The following PEX1 variants were observed in gnomAD, a reference collection of about 807,000 sequenced individuals.
PEX1 encodes the protein peroxisomal ATPase PEX1.
PEX1 carries 97 observed loss-of-function variants against 152.5 expected under a neutral mutation model. The observed-to-expected ratio is 0.64, with a 90% CI of 0.54 to 0.75. PEX1 has a LOEUF of 0.75. Ranked by LOEUF, PEX1 falls within the 30% of genes least tolerant of loss-of-function variation. PEX1 has a pLI of 0.00. For synonymous variants in PEX1, 485 were observed against 531.6 expected (o/e 0.91, Z 1.21); for missense variants, 1,357 against 1,516.3 (o/e 0.89, Z 1.74).
intron 17 of PEX1, among the ~76,000 whole-genome samples, chr7:92,496,198 A>T (rs1791647454): frequency 6.6e-6 from 1 of 152,054 alleles, no homozygotes; most frequent in Non-Finnish European, 1.5e-5. Context: ...TAAAACAGTA[A>T]CTTTTATTTT....
intron 1 of PEX1, among the ~76,000 whole-genome samples, chr7:92,526,583 A>G (rs1793277164): frequency 6.6e-6 from 1 of 152,224 alleles, no homozygotes; most frequent in Non-Finnish European, 1.5e-5. Flanking sequence ...GTCTGATTAA[A>G]ATATAGTTTA....
chr7:92,523,786 G>A (rs1361802364), intron 1 of PEX1, among the ~76,000 whole-genome samples: 1 of 152,160 alleles, frequency 6.6e-6, no homozygotes, highest in South Asian at 2.1e-4. Flanking sequence ...AGCCATGATA[G>A]TGCCATTACA....
Position 92,518,040 on chromosome 7 carries a change from C to T in PEX1, c.475G>A (p.Ala159Thr), listed in dbSNP as rs372455445. Reference sequence around the variant, plus strand: ...CCATAAGAGGCAGCTGGTATTAGTGCAACTGTGTAGAAAATAAAGCTCATT... The same window carrying T: ...CCATAAGAGGCAGCTGGTATTAGTGTAACTGTGTAGAAAATAAAGCTCATT... ...QQTYIFIQIV[A>T]LIPAASYGRL... The change falls in exon 5 of 24, where the codon GCA (alanine) becomes ACA (threonine). Residue 159 changes from alanine to threonine, a missense_variant and splice_region_variant. Ala to Thr is a moderately conservative substitution (Grantham distance 58). Transcript: ENST00000248633. 6.2e-6 allele frequency: 10 copies of T among 1,613,950 alleles called. No individual in the cohort carries two copies. The highest frequency in any genetic ancestry group is 1.3e-5 in the African/African-American group (1 of 74,888).
At chr7:92,493,695 A>G (rs1041931110) in intron 19 of PEX1, 22 of 154,040 alleles carry the variant, frequency 1.4e-4, no homozygotes, top group African/African-American at 5.3e-4. Flanking sequence ...TCTTATTCAC[A>G]CAGTGCTTAT....
intron 10 of PEX1, 50 bp from the exon 11 acceptor site, chr7:92,506,394 A>C: frequency 1.7e-6 from 2 of 1,151,270 alleles, no homozygotes; most frequent in Non-Finnish European, 2.6e-6. Context: ...AGTCACAGAA[A>C]TAGTTCCTGT....
intron 12 of PEX1, 92 bp downstream of exon 12, chr7:92,504,640 A>G: frequency 1.6e-6 from 2 of 1,251,834 alleles, no homozygotes; most frequent in Non-Finnish European, 2.3e-6. Flanking sequence ...TAACACATAT[A>G]TTATTCTCTG....
chr7:92,503,265 T>C (rs1318426735), intron 12 of PEX1, 70 bp from the exon 13 acceptor site: 1 of 1,324,418 alleles, frequency 7.6e-7, no homozygotes, highest in African/African-American at 1.5e-5. Context: ...ATACATTCAT[T>C]AAAAATAATG....
intron 3 of PEX1, among the ~76,000 whole-genome samples, chr7:92,518,544 C>T (rs773341450): frequency 1.3e-5 from 2 of 152,066 alleles, no homozygotes; most frequent in Non-Finnish European, 2.9e-5. Context: ...CTATAGTTGT[C>T]AGGTTGTACA....
intron 10 of PEX1, 65 bp from the exon 11 acceptor site, chr7:92,506,409 G>T (rs2116177140): frequency 9.9e-7 from 1 of 1,010,112 alleles, no homozygotes. Context: ...TCCTGTCATT[G>T]TGGCAACCAC....
Position 92,487,480 on chromosome 7 carries a change from C to T in PEX1, c.3829G>A (p.Gly1277Arg), listed in dbSNP as rs1585206012. 6.3e-7 allele frequency: 1 copy of T among 1,592,296 alleles called. No homozygotes were observed. The change falls in exon 24 of 24, where the codon GGA becomes AGA. Residue 1277 changes from glycine to arginine, a missense_variant. Physicochemically the swap from Gly to Arg is moderately radical, Grantham distance 125. Transcript: ENST00000248633. ...TTTTATGCTAAAGTTACTTTCTGTC[C>T]AGGTCGAAACATTGTTCCACTTTGA... Reference protein sequence around the residue: ...KNQSGTMFRPGQKVTLA With the variant: ...KNQSGTMFRPRQKVTLA
chr7:92,518,374 A>G, intron 3 of PEX1, 119 bp from the exon 4 acceptor site: 1 of 704,958 alleles, frequency 1.4e-6, no homozygotes. Context: ...TTTAATATAC[A>G]CGACATGGTG....
In PEX1 at chr7:92,494,306, G is replaced by T; in HGVS notation, c.3017C>A (p.Pro1006His). Reference sequence around the variant, plus strand: ...TGAAATTGTCACCTGATCAGGAGGAGGACAGTATACACATTTATCTAGTCG... The same window carrying T: ...TGAAATTGTCACCTGATCAGGAGGATGACAGTATACACATTTATCTAGTCG... The part of the protein sequence containing the change: ...PGRLDKCVYC[P>H]PPDQVSRLEI... Residue 1006 changes from proline to histidine, a missense_variant, in exon 19 of 24, where the codon CCT becomes CAT. Physicochemically the swap from Pro to His is moderately conservative, Grantham distance 77 (BLOSUM62 -2). Transcript: ENST00000248633. 1 of 1,612,750 alleles carries T rather than the reference G, an allele frequency of 6.2e-7. No homozygotes were observed. Among genetic ancestry groups the T allele is most frequent in the Non-Finnish European group, 8.5e-7 (1 of 1,178,910 alleles).
intron 15 of PEX1, among the ~76,000 whole-genome samples, chr7:92,500,808 C>G (rs925056303): frequency 6.6e-6 from 1 of 152,184 alleles, no homozygotes; most frequent in Non-Finnish European, 1.5e-5. Flanking sequence ...TTCTGAAGAA[C>G]AATCTACATT....
rs1283575737 is a variant in PEX1 at position 92,516,045 on chromosome 7, AG to A, written c.1239+1230del. Among the ~76,000 whole-genome samples the A allele has an allele frequency of 9.8e-3, 968 of 99,084 alleles. 4 individuals carry two copies. Among genetic ancestry groups the A allele is most frequent in the African/African-American group, 0.026 (623 of 23,742 alleles). 65.0% of individuals were successfully genotyped at this position (99,084 alleles called of 152,430 possible). ...AGAGAAGAGAAGAGAAGAGAAGAGAAGAGAAGAGAAAAAAGAAAAGAAAAGA... is the reference window on the plus strand; with the variant it reads ...AGAGAAGAGAAGAGAAGAGAAGAGAAAGAAGAGAAAAAAGAAAAGAAAAGA... On this transcript the variant is annotated intron_variant, in intron 5 of 23. Coordinates refer to ENST00000248633, the MANE Select transcript of PEX1 (RefSeq NM_000466.3).
At chr7:92,512,053 G>A (rs1792495034) in intron 6 of PEX1, among the ~76,000 whole-genome samples, 1 of 152,156 alleles carries the variant, frequency 6.6e-6, no homozygotes, top group African/African-American at 2.4e-5. Context: ...TTTTCTTTGA[G>A]ACAGAATCTC....
Position 92,517,543 on chromosome 7 carries a change from T to C in PEX1, c.972A>G (p.Val324=). The C allele has an allele frequency of 6.2e-7, 1 of 1,614,134 alleles. No homozygotes were observed. The highest frequency in any genetic ancestry group is 8.5e-7 in the Non-Finnish European group (1 of 1,180,010). ...VFPWDQEYFD[V]EPSFTVTYGK... The stretch of plus-strand genomic sequence containing the variant: ...CATATGTCACAGTAAAGCTGGGCTC[T>C]ACATCAAAATATTCCTGGTCCCATG... The change falls in exon 5 of 24, where the codon GTA becomes GTG. Residue 324 remains valine, a synonymous_variant. Transcript: ENST00000248633.
intron 21 of PEX1, among the ~76,000 whole-genome samples, chr7:92,490,596 CT>C (rs1791242666): frequency 7.5e-6 from 1 of 133,032 alleles, no homozygotes; most frequent in Admixed American, 8.4e-5. Flanking sequence ...AATTGTGCCA[CT>C]GCACTCTAGT....
chr7:92,492,567 A>G (rs1016546658), intron 20 of PEX1, among the ~76,000 whole-genome samples: 8 of 152,252 alleles, frequency 5.3e-5, no homozygotes, highest in Non-Finnish European at 7.3e-5. Context: ...CCTATTGGCC[A>G]GATTGGAACA....
chr7:92,502,010 C>G lies in PEX1; in HGVS notation c.2296G>C (p.Asp766His). 1 of 1,613,096 alleles carries G rather than the reference C, an allele frequency of 6.2e-7. No individual in the cohort carries two copies. The highest frequency in any genetic ancestry group is 8.5e-7 in the Non-Finnish European group (1 of 1,179,096). ...KLDCDINKFT[D>H]LDLQHVAKET... is the part of the protein sequence containing the mutation. The stretch of plus-strand genomic sequence containing the variant: ...TTAGCTACATGCTGCAGGTCAAGAT[C>G]GGTGAACTTGTTTATATCACAGTCC... The change falls in exon 14 of 24, where the codon GAT becomes CAT. Residue 766 changes from aspartate to histidine, a missense_variant. Transcript: ENST00000248633.
Sources: allele counts gnomAD v4.1 joint callset (sites outside exome capture counted in the v4.1 genomes callset), GRCh38; gene constraint gnomAD v4.1.1; transcripts MANE v1.5; gene names NCBI Gene and HGNC (gene_info 2026-07-23, HGNC 2026-07-21).